PRDM8: variants seen among roughly 807,000 people sequenced by gnomAD.
PRDM8 encodes the protein PR/SET domain 8.
Under a neutral mutation model 46.5 loss-of-function variants are expected in PRDM8, and 13 were observed. The observed-to-expected ratio is 0.28, with a 90% CI of 0.18 to 0.44. The LOEUF is 0.44. Among genes scored for constraint, PRDM8 ranks in the 20% least tolerant of loss-of-function variants. PRDM8 has a pLI of 1.00. For missense variants in PRDM8, 998 were observed against 955.0 expected (o/e 1.04, Z -0.59); for synonymous variants, 473 against 438.4 (o/e 1.08, Z -0.98).
upstream of PRDM8, chr4:80,197,086 C>G (rs1738015792): frequency 3.0e-6 from 3 of 985,496 alleles, no homozygotes; most frequent in Non-Finnish European, 3.6e-6. Flanking sequence ...TAACCGCACC[C>G]CTCTCCCTTT....
rs1196720028 is a variant in PRDM8 at position 80,203,781 on chromosome 4, C to T, written c.*249C>T. 2.6e-6 allele frequency: 1 copy of T among 392,030 alleles called. No individual in the cohort carries two copies. The highest frequency in any genetic ancestry group is 4.5e-5 in the Admixed American group (1 of 22,468). The allele number at this position is 392,030 out of a possible 1,614,324, so 24.3% of individuals were successfully genotyped here. On this transcript the variant is annotated 3_prime_UTR_variant, in exon 4 of 4. Transcript: ENST00000415738. ...ACACAGACACACTCACACACAAGAG[C>T]CAGGATGGTGGAGTTTTGATTGGGT...
exon 2 of PRDM8, chr4:80,191,530 A>G (rs958990203): frequency 6.6e-6 from 1 of 152,212 alleles, no homozygotes; most frequent in Admixed American, 6.5e-5. Flanking sequence ...GAGAACAAAT[A>G]TGTTACAATC....
At chr4:80,200,400 G>A (rs1738354453) in intron 2 of PRDM8, 101 bp downstream of exon 2, 19 of 1,047,822 alleles carry the variant, frequency 1.8e-5, no homozygotes, top group South Asian at 1.2e-4. Flanking sequence ...TTTTGCCTGT[G>A]GAAAAATGCA....
chr4:80,196,713 G>A (rs180671770), upstream of PRDM8: 6 of 917,384 alleles, frequency 6.5e-6, no homozygotes, highest in African/African-American at 7.2e-5. Flanking sequence ...CCAAGCAGAG[G>A]GGGGGAAAAA....
Position 80,203,668 on chromosome 4 carries a change from G to GC in PRDM8, c.*143dup, listed in dbSNP as rs541380715. 56 of 1,296,668 alleles carry GC rather than the reference G, an allele frequency of 4.3e-5. No homozygotes were observed. The Admixed American group carries it at 6.1e-4, about 14-fold the overall frequency. The allele number at this position is 1,296,668 out of a possible 1,614,324, so 80.3% of individuals were successfully genotyped here. On this transcript the variant is annotated 3_prime_UTR_variant, in exon 4 of 4. Coordinates refer to ENST00000415738, the MANE Select transcript of PRDM8 (RefSeq NM_001099403.2). ...AGACACATACATTCACCGCCCCCCC[G>GC]CCCCCCCAACGCGCACACACACGTC...
At chr4:80,188,228 T>C (rs1321511562) in intron 1 of PRDM8, among the ~76,000 whole-genome samples, 1 of 152,220 alleles carries the variant, frequency 6.6e-6, no homozygotes, top group Non-Finnish European at 1.5e-5. Context: ...TTACCCAGCA[T>C]TCCAAAGCAG....
In PRDM8 at chr4:80,203,744, CCCCACACACACA is replaced by C; in HGVS notation, c.*214_*225del. 4.2e-6 allele frequency: 2 copies of C among 480,840 alleles called. No individual in the cohort carries two copies. The highest frequency in any genetic ancestry group is 7.3e-6 in the Non-Finnish European group (2 of 274,680). 29.8% of individuals were successfully genotyped at this position (480,840 alleles called of 1,614,324 possible). A position where few individuals can be genotyped will look rare whatever the true frequency, so the allele number is the denominator to read the frequency against. On this transcript the variant is annotated 3_prime_UTR_variant, in exon 4 of 4. Transcript: ENST00000415738. ...ATATTTACCCGGGACACACACCCCC[CCCCACACACACA>C]CACAGACACACTCACACACAAGAGC...
At chr4:80,186,722 C>T (rs910728083) in intron 1 of PRDM8, among the ~76,000 whole-genome samples, 3 of 152,184 alleles carry the variant, frequency 2.0e-5, no homozygotes, top group Admixed American at 6.5e-5. Flanking sequence ...TCTGGGGACC[C>T]CTGATGCATG....
chr4:80,199,707 A>G (rs867704724), intron 1 of PRDM8, among the ~76,000 whole-genome samples: 1,480 of 90,560 alleles, frequency 0.016, 14 homozygotes, highest in South Asian at 0.069. Flanking sequence ...ATATATATAT[A>G]TATGTGTGTG....
At chr4:80,197,186 A>C (rs1321014016), upstream of PRDM8, 1 of 985,330 alleles carries the variant, frequency 1.0e-6, no homozygotes, top group Non-Finnish European at 1.2e-6. Context: ...GTGCCTAGTG[A>C]AACGGGGAAA....
chr4:80,191,231 C>T (rs1300571952), intron 1 of PRDM8, among the ~76,000 whole-genome samples: 4 of 152,202 alleles, frequency 2.6e-5, no homozygotes, highest in South Asian at 2.1e-4. Flanking sequence ...AAACACACAC[C>T]CATACCCATA....
intron 1 of PRDM8, among the ~76,000 whole-genome samples, chr4:80,190,517 G>A (rs1001986079): frequency 6.6e-6 from 1 of 152,206 alleles, no homozygotes; most frequent in Non-Finnish European, 1.5e-5. Context: ...ACTCTTTGGT[G>A]AATCAGCTCA....
At chr4:80,189,437 G>T (rs1185791674) in intron 1 of PRDM8, among the ~76,000 whole-genome samples, 1 of 151,992 alleles carries the variant, frequency 6.6e-6, no homozygotes, top group Non-Finnish European at 1.5e-5. Flanking sequence ...GGGGTGGGAG[G>T]TGCGCGGTGC....
upstream of PRDM8, chr4:80,196,595 CA>C: frequency 1.0e-6 from 1 of 985,458 alleles, no homozygotes; most frequent in Non-Finnish European, 1.2e-6. Context: ...TTCCGGAGCC[CA>C]TCTTGGTAAT....
In PRDM8 at chr4:80,202,041, A is replaced by T. The variant is rs1163390287; in HGVS notation, c.579A>T (p.Gln193His). ...CTGATATAAGTCCCCAAGACGAACAAGGCGGCGGCGTGGGCACCAAGGACC... is the reference window on the plus strand; with the variant it reads ...CTGATATAAGTCCCCAAGACGAACATGGCGGCGGCGTGGGCACCAAGGACC... Reference protein sequence around the residue: ...HSADISPQDEQGGGVGTKDHG... With the variant: ...HSADISPQDEHGGGVGTKDHG... Residue 193 changes from glutamine to histidine, a missense_variant, in exon 4 of 4, where the codon CAA becomes CAT. Transcript: ENST00000415738. 2 of 1,614,066 alleles carry T rather than the reference A, an allele frequency of 1.2e-6. No homozygotes were observed. The highest frequency in any genetic ancestry group is 1.6e-4 in the Middle Eastern group (1 of 6,062).
At position 80,201,992 on chromosome 4, in the gene PRDM8, G is replaced by T; in HGVS notation, c.530G>T (p.Arg177Leu). 6.2e-7 allele frequency: 1 copy of T among 1,614,072 alleles called. No homozygotes were observed. Among genetic ancestry groups the T allele is most frequent in the Non-Finnish European group, 8.5e-7 (1 of 1,180,024 alleles). Residue 177 changes from arginine to leucine, a missense_variant, in exon 4 of 4, where the codon CGC (arginine) becomes CTC (leucine). Physicochemically the swap from Arg to Leu is moderately radical, Grantham distance 102 (BLOSUM62 -2). Coordinates refer to ENST00000415738, the MANE Select transcript of PRDM8 (RefSeq NM_001099403.2). ...EFPYVAHLRF[R>L]CPKRLHSADI... is the part of the protein sequence containing the mutation. ...CCCTATGTGGCGCATCTGCGTTTCC[G>T]CTGCCCCAAGAGACTTCACAGCGCT...
At chr4:80,190,331 G>A (rs189885215) in intron 1 of PRDM8, among the ~76,000 whole-genome samples, 2 of 152,248 alleles carry the variant, frequency 1.3e-5, no homozygotes, top group African/African-American at 4.8e-5. Flanking sequence ...GGGCCCTTGG[G>A]AACTGCATTT....
chr4:80,201,324 G>C lies in PRDM8; in HGVS notation c.254G>C (p.Gly85Ala), dbSNP rs779977662. Residue 85 changes from glycine to alanine, a missense_variant, in exon 3 of 4, where the codon GGT (glycine) becomes GCT (alanine). Gly to Ala is a moderately conservative substitution (Grantham distance 60, BLOSUM62 0). Coordinates refer to ENST00000415738, the MANE Select transcript of PRDM8 (RefSeq NM_001099403.2). Reference protein sequence around the residue: ...DTSAANGSSEGLMWLRLVQSA... With the variant: ...DTSAANGSSEALMWLRLVQSA... ...TCAGCAGCAAATGGTTCCTCAGAAG[G>C]TCTCATGTGGCTGCGGTTGGTCCAA... 6.2e-7 allele frequency: 1 copy of C among 1,614,230 alleles called. No individual in the cohort carries two copies. Among genetic ancestry groups the C allele is most frequent in the East Asian group, 2.2e-5 (1 of 44,884 alleles).
chr4:80,203,059 G>T lies in PRDM8; in HGVS notation c.1597G>T (p.Gly533Cys). The T allele has an allele frequency of 6.4e-7, 1 of 1,562,318 alleles. No homozygotes were observed. Among genetic ancestry groups the T allele is most frequent in the Admixed American group, 1.8e-5 (1 of 56,454 alleles). ...LEPCHPADGV[G>C]PTRLYPAAAD... ...GCCATGCCACCCCGCCGACGGCGTG[G>T]GCCCCACCAGACTCTATCCCGCCGC... The change falls in exon 4 of 4, where the codon GGC (glycine) becomes TGC (cysteine). Residue 533 changes from glycine (G) to cysteine (C), a missense_variant. By Grantham distance (159) the Gly-to-Cys change is radical. Coordinates refer to ENST00000415738, the MANE Select transcript of PRDM8 (RefSeq NM_001099403.2).
Sources: gnomAD v4.1 joint callset for allele counts (sites outside exome capture counted in the v4.1 genomes callset) on GRCh38, gnomAD v4.1.1 for gene constraint, MANE v1.5 for transcripts, NCBI Gene and HGNC (gene_info 2026-07-23, HGNC 2026-07-21) for gene names.